Variants in UGT1A7 observed in about 807,000 individuals in gnomAD.
The protein encoded by UGT1A7 is UDP-glucuronosyltransferase 1A7.
UGT1A7 carries 33 observed loss-of-function variants against 45.6 expected under a neutral mutation model. The observed-to-expected ratio is 0.72, with a 90% CI of 0.55 to 0.97. The LOEUF is 0.97. Among genes scored for constraint, UGT1A7 ranks in the 50% least tolerant of loss-of-function variants. The pLI, the probability that UGT1A7 is intolerant of heterozygous loss-of-function variation, is 0.00. For synonymous variants in UGT1A7, 274 were observed against 250.6 expected (o/e 1.09, Z -0.88); for missense variants, 684 against 666.2 (o/e 1.03, Z -0.29).
At chr2:233,719,653 G>T in intron 1 of UGT1A7, 1 of 1,614,078 alleles carries the variant, frequency 6.2e-7, no homozygotes, top group Non-Finnish European at 8.5e-7. Context: ...TTCATTGGGG[G>T]CATCAACTGT....
rs903531328 is a variant in UGT1A7, at chr2:233,682,504, T to C, written c.567T>C (p.Tyr189=). The C allele has an allele frequency of 2.5e-6, 4 of 1,613,870 alleles. No individual in the cohort carries two copies. Among genetic ancestry groups the C allele is most frequent in the Non-Finnish European group, 3.4e-6 (4 of 1,179,880 alleles). ...CACAGTGCCCTGCTCCTCTTTCCTA[T>C]GTCCCCAGACTTCTCTTAGGGTTCT... ...EGAQCPAPLS[Y]VPRLLLGFSD... The change falls in exon 1 of 5, where the codon TAT becomes TAC. Residue 189 remains tyrosine (Y), a synonymous_variant. Coordinates refer to ENST00000373426, the MANE Select transcript of UGT1A7 (RefSeq NM_019077.3).
chr2:233,701,815 T>A (rs569445521), intron 1 of UGT1A7, among the ~76,000 whole-genome samples: 1 of 152,092 alleles, frequency 6.6e-6, no homozygotes, highest in African/African-American at 2.4e-5. Context: ...AGACACAACA[T>A]ACCAGAATCT....
At chr2:233,724,744 A>T (rs2077304128) in intron 1 of UGT1A7, among the ~76,000 whole-genome samples, 2 of 143,018 alleles carry the variant, frequency 1.4e-5, no homozygotes, top group South Asian at 5.1e-4. Context: ...GGCTCCTCAC[A>T]TCCCAGACGA....
chr2:233,688,526 GGTTT>G (rs113090807), intron 1 of UGT1A7, among the ~76,000 whole-genome samples: 1,546 of 152,214 alleles, frequency 0.01, 37 homozygotes, highest in African/African-American at 0.035. Flanking sequence ...GCCTAGAGTG[GGTTT>G]GACTTACATC....
Position 233,769,482 on chromosome 2 carries a change from T to A in UGT1A7, c.1295+1043T>A. On this transcript the variant is annotated intron_variant, in intron 4 of 4. Coordinates refer to ENST00000373426, the MANE Select transcript of UGT1A7 (RefSeq NM_019077.3). The surrounding 1 kb of genome is among the most constrained non-coding windows in gnomAD (Gnocchi z 4.4). Reference sequence around the variant, plus strand: ...TCATATGCGTGTGTGTGTGTGTGCGTGTGTTTATGAGAGTGTCCATTGCTT... The same window carrying A: ...TCATATGCGTGTGTGTGTGTGTGCGAGTGTTTATGAGAGTGTCCATTGCTT... The A allele has an allele frequency of 6.2e-7, 1 of 1,611,750 alleles. No homozygotes were observed.
At chr2:233,732,341 T>G (rs1447704725) in intron 1 of UGT1A7, among the ~76,000 whole-genome samples, 1 of 152,268 alleles carries the variant, frequency 6.6e-6, no homozygotes, top group East Asian at 1.9e-4. Flanking sequence ...TTGCTTTTGG[T>G]GTTTTAGTCA....
intron 1 of UGT1A7, among the ~76,000 whole-genome samples, chr2:233,745,501 T>A (rs1359317730): frequency 1.3e-5 from 2 of 151,666 alleles, no homozygotes; most frequent in Non-Finnish European, 2.9e-5. Flanking sequence ...TAAGATTTCC[T>A]ATAGGGTATT....
At chr2:233,707,468 AT>A (rs896573991) in intron 1 of UGT1A7, among the ~76,000 whole-genome samples, 1 of 150,994 alleles carries the variant, frequency 6.6e-6, no homozygotes, top group African/African-American at 2.4e-5. Flanking sequence ...GCATCTGTAA[AT>A]AATACAGATG....
intron 1 of UGT1A7, among the ~76,000 whole-genome samples, chr2:233,766,527 C>A (rs182363342): frequency 6.6e-6 from 1 of 152,236 alleles, no homozygotes; most frequent in Non-Finnish European, 1.5e-5. Context: ...AACATTTAGG[C>A]AGGAAAACAA....
At chr2:233,729,152 T>C (rs749302324) in intron 1 of UGT1A7, 3 of 1,613,556 alleles carry the variant, frequency 1.9e-6, no homozygotes, top group Non-Finnish European at 2.5e-6. Flanking sequence ...CAGGTTCCCC[T>C]GCCGTGGCTG....
At chr2:233,734,703 G>A (rs1251067187) in intron 1 of UGT1A7, among the ~76,000 whole-genome samples, 3 of 151,956 alleles carry the variant, frequency 2.0e-5, no homozygotes, top group Non-Finnish European at 4.4e-5. Flanking sequence ...CAGAGATTCT[G>A]GTATGTTGTG....
chr2:233,766,445 C>A (rs1699154824), intron 1 of UGT1A7, among the ~76,000 whole-genome samples: 1 of 152,174 alleles, frequency 6.6e-6, no homozygotes, highest in African/African-American at 2.4e-5. Flanking sequence ...TGTGTGTCTG[C>A]CTGCTAGGGT....
chr2:233,687,558 A>G lies in UGT1A7; in HGVS notation c.855+4766A>G, dbSNP rs183508627. ...TATGCCTCAAGTAAGTGGGGGAGCC[A>G]GAATTCAAGACCATACATTCTTTGT... is the stretch of plus-strand genomic sequence containing the variant. On this transcript the variant is annotated intron_variant, in intron 1 of 4. Transcript: ENST00000373426. 6.0e-5 allele frequency among the ~76,000 whole-genome samples: 9 copies of G among 149,652 alleles called. No individual in the cohort carries two copies. In the East Asian group the frequency reaches 1.6e-3, roughly 26 times the overall value.
chr2:233,704,010 C>A (rs945281801), intron 1 of UGT1A7, among the ~76,000 whole-genome samples: 1 of 152,084 alleles, frequency 6.6e-6, no homozygotes, highest in Non-Finnish European at 1.5e-5. Flanking sequence ...CCCACCTCAG[C>A]CGCCCGAGCA....
intron 1 of UGT1A7, chr2:233,689,792 C>T: frequency 2.3e-6 from 1 of 426,678 alleles, no homozygotes; most frequent in South Asian, 1.7e-5. Context: ...ATGATGTGAT[C>T]TGTAGTTTCT....
At chr2:233,695,898 T>G (rs1241404819) in intron 1 of UGT1A7, among the ~76,000 whole-genome samples, 1 of 152,148 alleles carries the variant, frequency 6.6e-6, no homozygotes, top group East Asian at 1.9e-4. Flanking sequence ...AACAAATGTG[T>G]GGGGTTTTTT....
rs777861201 is a variant in UGT1A7, at chr2:233,682,090, G to A, written c.153G>A (p.Arg51=). ...CGGTGGTGGAGAAACTCATCCTCAG[G>A]GGGCATGAGGTGGTCGTAGTCATGC... is the stretch of plus-strand genomic sequence containing the variant. ...MQSVVEKLIL[R]GHEVVVVMPE... is the part of the protein sequence containing the mutation. The change falls in exon 1 of 5, where the codon AGG becomes AGA. Residue 51 remains arginine (R), a synonymous_variant. Transcript: ENST00000373426. The A allele has an allele frequency of 4.3e-6, 7 of 1,614,076 alleles. No individual in the cohort carries two copies. The highest frequency in any genetic ancestry group is 5.9e-6 in the Non-Finnish European group (7 of 1,180,006).
intron 1 of UGT1A7, among the ~76,000 whole-genome samples, chr2:233,756,600 G>A (rs1331506160): frequency 6.6e-6 from 1 of 152,122 alleles, no homozygotes; most frequent in Non-Finnish European, 1.5e-5. Flanking sequence ...TTACTGTATC[G>A]AAACCATTAA....
In UGT1A7 at chr2:233,767,846, C is replaced by G. The variant is rs1699507381; in HGVS notation, c.988-3C>G. The G allele has an allele frequency of 6.2e-7, 1 of 1,614,014 alleles. No individual in the cohort carries two copies. Among genetic ancestry groups the G allele is most frequent in the Non-Finnish European group, 8.5e-7 (1 of 1,180,026 alleles). ...TACGTTCTGCTCTTTTTGCCCCTCC[C>G]AGGTCCTGTGGCGGTACACTGGAAC... On this transcript the variant is annotated splice_region_variant and splice_polypyrimidine_tract_variant and intron_variant, in intron 2 of 4. Coordinates refer to ENST00000373426, the MANE Select transcript of UGT1A7 (RefSeq NM_019077.3).
Sources: gnomAD v4.1 joint callset for allele counts (sites outside exome capture counted in the v4.1 genomes callset) on GRCh38, gnomAD v4.1.1 for gene constraint, Gnocchi (gnomAD v3.1) non-coding constraint, MANE v1.5 for transcripts, NCBI Gene and HGNC (gene_info 2026-07-23, HGNC 2026-07-21) for gene names.